Variants in MAP3K20 observed in about 807,000 individuals in gnomAD.
The protein encoded by MAP3K20 is mitogen-activated protein kinase kinase kinase 20.
MAP3K20 carries 40 observed loss-of-function variants against 85.7 expected under a neutral mutation model. That is an observed-to-expected ratio of 0.47 (90% CI 0.36 to 0.61). The LOEUF (loss-of-function observed/expected upper bound fraction) is 0.61, where lower values mean the gene tolerates loss of function less well. Among genes scored for constraint, MAP3K20 ranks in the 20% least tolerant of loss-of-function variants. MAP3K20 has a pLI of 0.00. For missense variants in MAP3K20, 817 were observed against 961.7 expected, an observed-to-expected ratio of 0.85 and a Z score of 1.99; for synonymous variants, 325 against 327.7, an observed-to-expected ratio of 0.99 and a Z score of 0.09.
chr2:173,194,539 T>C (rs1346905667), intron 7 of MAP3K20, among the ~76,000 whole-genome samples: 1 of 152,138 alleles, frequency 6.6e-6, no homozygotes, highest in Non-Finnish European at 1.5e-5. Flanking sequence ...TTTTAGAAGT[T>C]TGTGGTCCAT....
At chr2:173,094,996 T>A (rs1462156594) in intron 2 of MAP3K20, among the ~76,000 whole-genome samples, 1 of 152,248 alleles carries the variant, frequency 6.6e-6, no homozygotes, top group Non-Finnish European at 1.5e-5. Flanking sequence ...CTATAACAGT[T>A]TACTGTGCAG....
chr2:173,126,531 C>A (rs1688449602), intron 2 of MAP3K20, among the ~76,000 whole-genome samples: 1 of 152,082 alleles, frequency 6.6e-6, no homozygotes, highest in Non-Finnish European at 1.5e-5. Flanking sequence ...AGGCATGCAC[C>A]ATCACACCTA....
intron 2 of MAP3K20, chr2:173,160,158 TC>T (rs1689605063): frequency 6.6e-6 from 1 of 152,242 alleles, no homozygotes; most frequent in Admixed American, 6.5e-5. Context: ...AGTTCATTTA[TC>T]CTTCTTTATT....
At chr2:173,089,218 A>C (rs1687224299) in intron 1 of MAP3K20, among the ~76,000 whole-genome samples, 1 of 151,496 alleles carries the variant, frequency 6.6e-6, no homozygotes, top group Admixed American at 6.6e-5. Flanking sequence ...TGGAAAGAGT[A>C]GTAAAATGTC....
chr2:173,084,961 C>G (rs1207990966), intron 1 of MAP3K20, among the ~76,000 whole-genome samples: 1 of 152,192 alleles, frequency 6.6e-6, no homozygotes, highest in Non-Finnish European at 1.5e-5. Context: ...CTGAATCATG[C>G]TACTTCCCTG....
chr2:173,266,876 T>C lies in MAP3K20; in HGVS notation c.*126T>C. ...AAGACAACACTTCCAGTTTTTGGAT[T>C]GGGAAATACCTTCTAATTGAGACTA... On this transcript the variant is annotated 3_prime_UTR_variant, in exon 20 of 20. Coordinates refer to ENST00000375213, the MANE Select transcript of MAP3K20 (RefSeq NM_016653.3). 3 of 992,882 alleles carry C rather than the reference T, an allele frequency of 3.0e-6. No homozygotes were observed. The highest frequency in any genetic ancestry group is 4.1e-6 in the Non-Finnish European group (3 of 724,366). The allele number at this position is 992,882 out of a possible 1,614,324, so 61.5% of individuals were successfully genotyped here.
intron 4 of MAP3K20, among the ~76,000 whole-genome samples, chr2:173,184,096 G>A (rs549411367): frequency 6.6e-6 from 1 of 152,128 alleles, no homozygotes; most frequent in East Asian, 1.9e-4. Context: ...TGATGCATCG[G>A]GCATCTCAAA....
chr2:173,142,632 AAAAAC>A (rs1363502127), intron 2 of MAP3K20, among the ~76,000 whole-genome samples: 9 of 152,054 alleles, frequency 5.9e-5, no homozygotes, highest in Admixed American at 1.3e-4. Flanking sequence ...ACCCCCACAA[AAAAAC>A]AAAACAAAAG....
chr2:173,104,507 G>GA (rs1188412193), intron 2 of MAP3K20, among the ~76,000 whole-genome samples: 15 of 150,562 alleles, frequency 1.0e-4, no homozygotes, highest in Admixed American at 1.3e-4. Context: ...TTCTAGAACA[G>GA]AAAAAAAAAG....
chr2:173,096,803 A>C (rs1474031755), intron 2 of MAP3K20, among the ~76,000 whole-genome samples: 1 of 152,208 alleles, frequency 6.6e-6, no homozygotes. Context: ...AGATTTACTT[A>C]CAGTGTACTA....
At chr2:173,075,799 C>A (rs987377953), upstream of MAP3K20, 1 of 985,486 alleles carries the variant, frequency 1.0e-6, no homozygotes, top group African/African-American at 1.7e-5. Context: ...GGCGGCCCAG[C>A]CGTTTCGCGC....
intron 16 of MAP3K20, among the ~76,000 whole-genome samples, chr2:173,244,024 G>C (rs1032286377): frequency 3.3e-5 from 5 of 152,170 alleles, no homozygotes; most frequent in African/African-American, 1.2e-4. Flanking sequence ...AGTGGGCAGC[G>C]CAGACAACCA....
intron 1 of MAP3K20, among the ~76,000 whole-genome samples, chr2:173,081,431 G>A (rs1281984823): frequency 1.3e-5 from 2 of 152,120 alleles, no homozygotes; most frequent in Admixed American, 6.6e-5. Flanking sequence ...ATAAGCACAC[G>A]AGGAACATGG....
intron 17 of MAP3K20, among the ~76,000 whole-genome samples, chr2:173,259,199 G>A (rs148580880): frequency 6.6e-6 from 1 of 152,262 alleles, no homozygotes; most frequent in East Asian, 1.9e-4. Flanking sequence ...CTTGGTTGAG[G>A]TCAATTTCCT....
At chr2:173,103,677 G>A (rs528039004) in intron 2 of MAP3K20, among the ~76,000 whole-genome samples, 23 of 152,298 alleles carry the variant, frequency 1.5e-4, no homozygotes, top group African/African-American at 5.1e-4. Flanking sequence ...CTCTATTCAA[G>A]CCTACTGCTA....
intron 1 of MAP3K20, among the ~76,000 whole-genome samples, chr2:173,088,224 A>G (rs927764574): frequency 6.6e-6 from 1 of 152,228 alleles, no homozygotes; most frequent in Admixed American, 6.5e-5. Context: ...AGAGAATCCA[A>G]ACGTTATCCA....
In MAP3K20 at chr2:173,076,835, A is replaced by G. The variant is rs74680806; in HGVS notation, c.-35+833A>G. 5.9e-3 allele frequency among the ~76,000 whole-genome samples: 892 copies of G among 152,306 alleles called. 10 individuals carry two copies. Among genetic ancestry groups the G allele is most frequent in the African/African-American group, 0.02 (851 of 41,570 alleles). ...GCACCAGGCCCAGAAGTGCTTACCC[A>G]GGCCGTCGCCTCGTCTGGCCTCGCT... is the stretch of plus-strand genomic sequence containing the variant. On this transcript the variant is annotated intron_variant, in intron 1 of 19. Coordinates refer to ENST00000375213, the MANE Select transcript of MAP3K20 (RefSeq NM_016653.3).
intron 2 of MAP3K20, among the ~76,000 whole-genome samples, chr2:173,141,077 A>G (rs1186571158): frequency 6.6e-6 from 1 of 152,184 alleles, no homozygotes; most frequent in African/African-American, 2.4e-5. Flanking sequence ...ATCACCTCGC[A>G]ACTTACTTTT....
At chr2:173,241,445 G>A (rs1296416228) in intron 16 of MAP3K20, among the ~76,000 whole-genome samples, 3 of 151,894 alleles carry the variant, frequency 2.0e-5, no homozygotes, top group African/African-American at 7.3e-5. Context: ...GAATCCCATT[G>A]CTACAAAAAA....
Sources: gnomAD v4.1 joint callset for allele counts (sites outside exome capture counted in the v4.1 genomes callset) on GRCh38, gnomAD v4.1.1 for gene constraint, MANE v1.5 for transcripts, NCBI Gene and HGNC (gene_info 2026-07-23, HGNC 2026-07-21) for gene names.